The following WDTC1 variants were observed in gnomAD, a reference collection of about 807,000 sequenced individuals.
WDTC1 encodes WD and tetratricopeptide repeats protein 1.
In WDTC1, 12 loss-of-function variants were observed where a neutral mutation model predicts 76.0. The ratio of observed to expected loss-of-function variants is 0.16; its 90% confidence interval spans 0.10 to 0.26. The LOEUF (loss-of-function observed/expected upper bound fraction) is 0.26, where lower values mean the gene tolerates loss of function less well. WDTC1 is among the 10% of genes least tolerant of loss of function. The pLI, the probability that WDTC1 is intolerant of heterozygous loss-of-function variation, is 1.00. For missense variants in WDTC1, 511 were observed against 908.8 expected, an observed-to-expected ratio of 0.56 and a Z score of 5.63; for synonymous variants, 326 against 350.8, an observed-to-expected ratio of 0.93 and a Z score of 0.79.
intron 6 of WDTC1, among the ~76,000 whole-genome samples, chr1:27,290,059 GGGGAGA>G (rs1279088819): frequency 6.7e-6 from 1 of 149,938 alleles, no homozygotes; most frequent in Non-Finnish European, 1.5e-5. Flanking sequence ...GGAGGGGGAG[GGGGAGA>G]GGGAGAGGGA....
In WDTC1 at chr1:27,292,288, G is replaced by T; in HGVS notation, c.553G>T (p.Val185Leu). The change falls in exon 7 of 16, where the codon GTG becomes TTG. Residue 185 changes from valine to leucine, a missense_variant. Transcript: ENST00000319394. ...IDLTEYCGQL[V>L]EAKCLTVNPQ... ...CCTGACAGAGTACTGTGGCCAGCTG[G>T]TGGAGGCCAAGTGCCTCACTGTCAA... 1 of 1,613,224 alleles carries T rather than the reference G, an allele frequency of 6.2e-7. No individual in the cohort carries two copies. Among genetic ancestry groups the T allele is most frequent in the Non-Finnish European group, 8.5e-7 (1 of 1,179,642 alleles).
intron 14 of WDTC1, 37 bp from the exon 15 acceptor site, chr1:27,304,964 C>A: frequency 6.3e-7 from 1 of 1,587,218 alleles, no homozygotes; most frequent in Admixed American, 1.7e-5. Context: ...TAGGGCAGTA[C>A]CCCACCTGAC....
intron 13 of WDTC1, among the ~76,000 whole-genome samples, chr1:27,302,140 G>C (rs1187390986): frequency 6.6e-6 from 1 of 152,180 alleles, no homozygotes; most frequent in African/African-American, 2.4e-5. Flanking sequence ...TACCAACCAC[G>C]TGATAAATTA....
intron 3 of WDTC1, among the ~76,000 whole-genome samples, chr1:27,270,664 C>A (rs2012842256): frequency 6.6e-6 from 1 of 152,076 alleles, no homozygotes; most frequent in South Asian, 2.1e-4. Flanking sequence ...CCACTGCACT[C>A]CAGCCTGGGC....
chr1:27,238,812 G>A (rs545808576), intron 1 of WDTC1, among the ~76,000 whole-genome samples: 7 of 152,018 alleles, frequency 4.6e-5, no homozygotes, highest in East Asian at 3.9e-4. Flanking sequence ...TGATCCGCCC[G>A]CCTCAGCCTC....
In WDTC1 at chr1:27,301,113, T is replaced by C. The variant is rs2013821547; in HGVS notation, c.1233-113T>C. Reference sequence around the variant, plus strand: ...TCTTCGTCCTCAAGTCCCCTTGCCATGAGATCTGTCAGTGGTGGGCTGGGG... The same window carrying C: ...TCTTCGTCCTCAAGTCCCCTTGCCACGAGATCTGTCAGTGGTGGGCTGGGG... On this transcript the variant is annotated intron_variant, in intron 12 of 15. Coordinates refer to ENST00000319394, the MANE Select transcript of WDTC1 (RefSeq NM_001276252.2). The surrounding 1 kb of genome is among the most constrained non-coding windows in gnomAD (Gnocchi z 5.8). 1.2e-6 allele frequency: 1 copy of C among 841,316 alleles called. No homozygotes were observed. Among genetic ancestry groups the C allele is most frequent in the Non-Finnish European group, 1.9e-6 (1 of 529,240 alleles). The allele number at this position is 841,316 out of a possible 1,614,324, so 52.1% of individuals were successfully genotyped here. A position where few individuals can be genotyped will look rare whatever the true frequency, so the allele number is the denominator to read the frequency against.
intron 3 of WDTC1, among the ~76,000 whole-genome samples, chr1:27,265,777 C>A (rs1009685856): frequency 6.6e-6 from 1 of 152,000 alleles, no homozygotes; most frequent in African/African-American, 2.4e-5. Context: ...GAAAGCCCAT[C>A]TCTACAAAAA....
intron 8 of WDTC1, 122 bp from the exon 9 acceptor site, chr1:27,294,392 C>A: frequency 1.1e-6 from 1 of 887,970 alleles, no homozygotes; most frequent in South Asian, 1.6e-5. Context: ...AAGGGCTCAA[C>A]ACTTGTAGCT....
chr1:27,256,433 A>G (rs953065896), intron 1 of WDTC1, among the ~76,000 whole-genome samples: 4 of 152,202 alleles, frequency 2.6e-5, no homozygotes, highest in Non-Finnish European at 5.9e-5. Flanking sequence ...CTCACTTTAT[A>G]GTGGTAAGGG....
chr1:27,273,908 T>TA (rs2012948494), intron 3 of WDTC1, among the ~76,000 whole-genome samples: 1 of 152,042 alleles, frequency 6.6e-6, no homozygotes, highest in Admixed American at 6.6e-5. Flanking sequence ...ATCAATTAGG[T>TA]AAAATGTATA....
chr1:27,289,202 A>C (rs1347836718), intron 6 of WDTC1, among the ~76,000 whole-genome samples: 1 of 145,074 alleles, frequency 6.9e-6, no homozygotes, highest in Non-Finnish European at 1.5e-5. Flanking sequence ...CTGGCCGGGC[A>C]GAGGGGCTCC....
intron 6 of WDTC1, among the ~76,000 whole-genome samples, chr1:27,288,127 G>A (rs1039044033): frequency 6.6e-6 from 1 of 151,962 alleles, no homozygotes; most frequent in Non-Finnish European, 1.5e-5. Context: ...ACTGCCTCTG[G>A]GCATTCACGT....
intron 1 of WDTC1, among the ~76,000 whole-genome samples, chr1:27,235,192 T>C (rs2147890985): frequency 6.6e-6 from 1 of 152,018 alleles, no homozygotes; most frequent in South Asian, 2.1e-4. Context: ...GGGGGGAGGC[T>C]GTGGGAGTCC....
At chr1:27,302,776 T>C (rs2013864890) in intron 13 of WDTC1, among the ~76,000 whole-genome samples, 1 of 151,968 alleles carries the variant, frequency 6.6e-6, no homozygotes, top group Admixed American at 6.6e-5. Context: ...CTGTGGGAGA[T>C]GCAGAGCTCC....
At chr1:27,253,780 T>A (rs895323154) in intron 1 of WDTC1, among the ~76,000 whole-genome samples, 1 of 152,234 alleles carries the variant, frequency 6.6e-6, no homozygotes, top group Non-Finnish European at 1.5e-5. Flanking sequence ...ATTTGCATAC[T>A]GCACCAGGTA....
intron 1 of WDTC1, 65 bp from the exon 2 acceptor site, chr1:27,260,891 G>A (rs1190478643): frequency 2.0e-5 from 15 of 756,844 alleles, no homozygotes; most frequent in African/African-American, 3.5e-5. Context: ...TTTTAGGGGT[G>A]GAATTAGGTC....
At chr1:27,297,826 A>C (rs1570985764) in intron 11 of WDTC1, 112 bp from the exon 12 acceptor site, 2 of 1,178,688 alleles carry the variant, frequency 1.7e-6, no homozygotes, top group East Asian at 5.2e-5. Flanking sequence ...GATAGCAGTC[A>C]GATCCCAGGG....
intron 3 of WDTC1, among the ~76,000 whole-genome samples, chr1:27,277,345 T>C (rs1396667394): frequency 6.6e-6 from 1 of 152,264 alleles, no homozygotes; most frequent in Non-Finnish European, 1.5e-5. Flanking sequence ...TCCATTTGAA[T>C]TAATTTTTAT....
intron 3 of WDTC1, among the ~76,000 whole-genome samples, chr1:27,265,636 G>C (rs1240954347): frequency 6.6e-6 from 1 of 151,752 alleles, no homozygotes; most frequent in African/African-American, 2.4e-5. Context: ...GGGTGACAGA[G>C]TGAGACCCTG....
Sources: gnomAD v4.1 joint callset for allele counts (sites outside exome capture counted in the v4.1 genomes callset) on GRCh38, gnomAD v4.1.1 for gene constraint, Gnocchi (gnomAD v3.1) non-coding constraint, MANE v1.5 for transcripts, NCBI Gene and HGNC (gene_info 2026-07-23, HGNC 2026-07-21) for gene names.